The following SAMMSON variants were observed in gnomAD, a reference collection of about 807,000 sequenced individuals.
SAMMSON encodes the protein long intergenic non-protein coding RNA 1212.
chr3:70,004,719 T>C (rs2066919188), intron 1 of SAMMSON, among the ~76,000 whole-genome samples: 1 of 152,228 alleles, frequency 6.6e-6, no homozygotes, highest in Non-Finnish European at 1.5e-5. Context: ...TCACAAGTTA[T>C]AGTTTTTAAA....
chr3:70,066,234 C>A (rs2107593382), intron 3 of SAMMSON, among the ~76,000 whole-genome samples: 1 of 152,116 alleles, frequency 6.6e-6, no homozygotes, highest in Middle Eastern at 3.4e-3. Context: ...TTTTATTTTC[C>A]TTGGGAATAA....
intron 4 of SAMMSON, among the ~76,000 whole-genome samples, chr3:70,217,523 A>C (rs749659841): frequency 6.6e-6 from 1 of 152,160 alleles, no homozygotes; most frequent in Non-Finnish European, 1.5e-5. Flanking sequence ...AGGTTTTACC[A>C]CTAAAATATT....
intron 6 of SAMMSON, among the ~76,000 whole-genome samples, chr3:70,260,490 C>T (rs970497384): frequency 6.6e-6 from 1 of 152,022 alleles, no homozygotes; most frequent in Non-Finnish European, 1.5e-5. Flanking sequence ...CGTAACAGCC[C>T]CATTCCCTAT....
chr3:70,032,327 C>A (rs1001561308), intron 3 of SAMMSON, among the ~76,000 whole-genome samples: 3 of 152,080 alleles, frequency 2.0e-5, no homozygotes, highest in Admixed American at 1.3e-4. Context: ...AAAAAAATAG[C>A]CACTTGCTTA....
chr3:70,285,079 T>C (rs1355951974), intron 6 of SAMMSON, among the ~76,000 whole-genome samples: 4 of 152,072 alleles, frequency 2.6e-5, no homozygotes, highest in Non-Finnish European at 5.9e-5. Context: ...TATTATACTT[T>C]AAGTTTTAGG....
chr3:70,211,397 CT>C (rs1559535963), intron 4 of SAMMSON, among the ~76,000 whole-genome samples: 1 of 6,632 alleles, frequency 1.5e-4, no homozygotes, highest in African/African-American at 2.0e-4. Context: ...TTTCCCTTCC[CT>C]TCCTTTTGCC....
intron 1 of SAMMSON, among the ~76,000 whole-genome samples, chr3:70,000,467 T>C (rs1318730840): frequency 6.6e-6 from 1 of 152,248 alleles, no homozygotes; most frequent in Non-Finnish European, 1.5e-5. Context: ...CCACATTTTG[T>C]ATCTGTGTTC....
chr3:70,203,775 A>T (rs1308920577), intron 4 of SAMMSON, among the ~76,000 whole-genome samples: 1 of 152,146 alleles, frequency 6.6e-6, no homozygotes, highest in East Asian at 1.9e-4. Context: ...TCAAAATTAT[A>T]CATCAATTAG....
chr3:70,287,418 A>T (rs1347285958), intron 6 of SAMMSON, among the ~76,000 whole-genome samples: 1 of 151,616 alleles, frequency 6.6e-6, no homozygotes, highest in Non-Finnish European at 1.5e-5. Flanking sequence ...CCACTTGATC[A>T]TGGTGGATAA....
chr3:70,100,308 G>A (rs976139527), intron 4 of SAMMSON, among the ~76,000 whole-genome samples: 21 of 151,938 alleles, frequency 1.4e-4, no homozygotes, highest in African/African-American at 4.1e-4. Context: ...CATAACATCC[G>A]GCTAATTTTT....
At chr3:70,215,416 T>G (rs940300202) in intron 4 of SAMMSON, among the ~76,000 whole-genome samples, 3 of 152,108 alleles carry the variant, frequency 2.0e-5, no homozygotes, top group African/African-American at 7.2e-5. Context: ...GACTTACCCC[T>G]CTCCAGGTTA....
intron 2 of SAMMSON, among the ~76,000 whole-genome samples, chr3:70,394,902 C>T (rs903353681): frequency 1.3e-5 from 2 of 152,180 alleles, no homozygotes; most frequent in African/African-American, 4.8e-5. Flanking sequence ...CCAGTCTGTA[C>T]TTAATATTTT....
At chr3:70,183,647 T>A (rs1228109719) in intron 4 of SAMMSON, 1 of 152,182 alleles carries the variant, frequency 6.6e-6, no homozygotes, top group African/African-American at 2.4e-5. Context: ...CAGTGTCCCC[T>A]GGGGTGTCCA....
At chr3:70,423,486 C>T (rs926371198) in intron 2 of SAMMSON, among the ~76,000 whole-genome samples, 7 of 152,098 alleles carry the variant, frequency 4.6e-5, no homozygotes, top group African/African-American at 1.7e-4. Context: ...TACCTAATAG[C>T]GTCTGCGTTT....
At chr3:70,302,438 A>T (rs750826515) in intron 7 of SAMMSON, among the ~76,000 whole-genome samples, 1 of 151,818 alleles carries the variant, frequency 6.6e-6, no homozygotes, top group Non-Finnish European at 1.5e-5. Context: ...GGCATAAAAC[A>T]TAAGAGACTT....
intron 2 of SAMMSON, among the ~76,000 whole-genome samples, chr3:70,399,994 G>T (rs9990261): frequency 0.34 from 50,573 of 150,198 alleles, 9,183 homozygotes; most frequent in East Asian, 0.56. Flanking sequence ...TTTTAAGTAA[G>T]GTAAGAAGGG....
intron 6 of SAMMSON, among the ~76,000 whole-genome samples, chr3:70,284,153 G>C (rs1014346470): frequency 6.6e-6 from 1 of 152,126 alleles, no homozygotes. Flanking sequence ...GAAAGCAAGA[G>C]TCACAGTGTA....
At chr3:70,318,774 T>C (rs1047185324) in intron 7 of SAMMSON, among the ~76,000 whole-genome samples, 1 of 152,044 alleles carries the variant, frequency 6.6e-6, no homozygotes, top group Non-Finnish European at 1.5e-5. Flanking sequence ...AATTTTGTCA[T>C]AGCAAGTAGT....
At chr3:70,396,213 A>G (rs1701092206) in intron 2 of SAMMSON, among the ~76,000 whole-genome samples, 1 of 152,200 alleles carries the variant, frequency 6.6e-6, no homozygotes, top group Non-Finnish European at 1.5e-5. Context: ...GCTGAATTAT[A>G]GTTTGTTAGA....
Sources: gnomAD v4.1 joint callset for allele counts (sites outside exome capture counted in the v4.1 genomes callset) on GRCh38, gnomAD v4.1.1 for gene constraint, MANE v1.5 for transcripts, NCBI Gene and HGNC (gene_info 2026-07-23, HGNC 2026-07-21) for gene names.